Variants in PPP2R2B observed in about 807,000 individuals in gnomAD.
PPP2R2B encodes the protein serine/threonine-protein phosphatase 2A 55 kDa regulatory subunit B beta isoform.
In PPP2R2B, 5 loss-of-function variants were observed where a neutral mutation model predicts 46.0. The observed-to-expected ratio is 0.11, with a 90% CI of 0.06 to 0.23. The LOEUF is 0.23. Among genes scored for constraint, PPP2R2B ranks in the 10% least tolerant of loss-of-function variants. The pLI, the probability that PPP2R2B is intolerant of heterozygous loss-of-function variation, is 1.00. For missense variants in PPP2R2B, 367 were observed against 575.0 expected, an observed-to-expected ratio of 0.64 and a Z score of 3.70; for synonymous variants, 215 against 206.7, an observed-to-expected ratio of 1.04 and a Z score of -0.34.
At chr5:146,604,745 A>C (rs1250999029) in intron 7 of PPP2R2B, among the ~76,000 whole-genome samples, 1 of 152,230 alleles carries the variant, frequency 6.6e-6, no homozygotes, top group Admixed American at 6.5e-5. Flanking sequence ...AAGGAGACAG[A>C]CCAGGAGGAA....
chr5:146,604,335 T>C (rs1237456142), intron 7 of PPP2R2B, among the ~76,000 whole-genome samples: 1 of 152,232 alleles, frequency 6.6e-6, no homozygotes, highest in Non-Finnish European at 1.5e-5. Flanking sequence ...ATCTGGTGCC[T>C]GAGTGATAGA....
At chr5:146,646,857 G>T (rs1182332463) in intron 6 of PPP2R2B, among the ~76,000 whole-genome samples, 1 of 152,146 alleles carries the variant, frequency 6.6e-6, no homozygotes, top group African/African-American at 2.4e-5. Context: ...GTGCGTATGT[G>T]TGTGTGTGTG....
chr5:146,908,039 C>G (rs951206560), intron 1 of PPP2R2B, among the ~76,000 whole-genome samples: 11 of 152,276 alleles, frequency 7.2e-5, no homozygotes, highest in Non-Finnish European at 1.3e-4. Flanking sequence ...CCCACAGCCA[C>G]GTTCTTTACA....
intron 1 of PPP2R2B, among the ~76,000 whole-genome samples, chr5:147,015,993 T>C (rs1195568112): frequency 6.6e-6 from 1 of 151,536 alleles, no homozygotes; most frequent in African/African-American, 2.4e-5. Context: ...TACACACACA[T>C]AGATACTCAG....
chr5:146,974,333 A>C (rs1752797164), intron 1 of PPP2R2B, among the ~76,000 whole-genome samples: 2 of 152,214 alleles, frequency 1.3e-5, no homozygotes, highest in South Asian at 4.1e-4. Context: ...GCCATGAGGC[A>C]GGGTTCATTA....
intron 2 of PPP2R2B, among the ~76,000 whole-genome samples, chr5:146,821,029 G>A (rs567603638): frequency 5.0e-4 from 76 of 151,616 alleles, no homozygotes; most frequent in East Asian, 1.6e-3. Context: ...CCATCATTCC[G>A]CCTCCTTGAC....
chr5:146,878,453 G>A lies in PPP2R2B; in HGVS notation c.-125+138C>T, dbSNP rs1201988885. On this transcript the variant is annotated intron_variant, in intron 1 of 9. Coordinates refer to ENST00000394411, the MANE Select transcript of PPP2R2B (RefSeq NM_181675.4). This position sits in a 1 kb window ranked among gnomAD's most constrained non-coding sequence, Gnocchi z 4.5. ...GCGGGTCTGGGGAGATGCCCAACAG[G>A]TTCCCCTCCTTGGCAGCCGCTCCAA... 2.9e-6 allele frequency: 4 copies of A among 1,382,608 alleles called. No individual in the cohort carries two copies. The highest frequency in any genetic ancestry group is 2.9e-5 in the African/African-American group (2 of 68,252). The allele number at this position is 1,382,608 out of a possible 1,614,324, so 85.6% of individuals were successfully genotyped here.
At chr5:147,047,616 C>A (rs1357626623) in intron 1 of PPP2R2B, among the ~76,000 whole-genome samples, 1 of 152,002 alleles carries the variant, frequency 6.6e-6, no homozygotes, top group Non-Finnish European at 1.5e-5. Context: ...AAGCAATTGT[C>A]TGATATATGC....
intron 2 of PPP2R2B, among the ~76,000 whole-genome samples, chr5:146,786,896 C>T (rs547816212): frequency 3.3e-4 from 50 of 152,262 alleles, no homozygotes; most frequent in African/African-American, 1.2e-3. Flanking sequence ...TTCTTTATAA[C>T]GAAGCTAACA....
chr5:146,678,664 C>T (rs1388981731), intron 5 of PPP2R2B, among the ~76,000 whole-genome samples: 1 of 148,588 alleles, frequency 6.7e-6, no homozygotes, highest in Non-Finnish European at 1.5e-5. Context: ...AGCCCAAAAT[C>T]TCCTTAAGCT....
intron 1 of PPP2R2B, among the ~76,000 whole-genome samples, chr5:146,923,238 TC>T (rs1394898417): frequency 6.6e-6 from 1 of 152,200 alleles, no homozygotes; most frequent in Admixed American, 6.5e-5. Context: ...TATTTACTCT[TC>T]TTTTTCCAGA....
At chr5:146,654,879 T>A (rs914379415) in intron 5 of PPP2R2B, among the ~76,000 whole-genome samples, 1 of 152,168 alleles carries the variant, frequency 6.6e-6, no homozygotes, top group African/African-American at 2.4e-5. Flanking sequence ...AATGCCCTTT[T>A]GCCAAATGAC....
intron 1 of PPP2R2B, among the ~76,000 whole-genome samples, chr5:147,009,903 A>ATG (rs1754634618): frequency 6.6e-6 from 1 of 151,550 alleles, no homozygotes; most frequent in African/African-American, 2.4e-5. Flanking sequence ...ACACACATAT[A>ATG]TATATAGGAC....
chr5:146,846,101 C>A (rs1466168420), intron 2 of PPP2R2B, among the ~76,000 whole-genome samples: 1 of 152,076 alleles, frequency 6.6e-6, no homozygotes, highest in Non-Finnish European at 1.5e-5. Context: ...TTTATCTGGC[C>A]AGGTGCAGTG....
At chr5:146,669,267 A>G (rs1481175996) in intron 5 of PPP2R2B, among the ~76,000 whole-genome samples, 1 of 152,180 alleles carries the variant, frequency 6.6e-6, no homozygotes, top group African/African-American at 2.4e-5. Context: ...ATATGAAAAA[A>G]GGAAAGAAGC....
chr5:146,980,463 A>G (rs1753117841), intron 1 of PPP2R2B, among the ~76,000 whole-genome samples: 1 of 152,166 alleles, frequency 6.6e-6, no homozygotes, highest in Non-Finnish European at 1.5e-5. Flanking sequence ...GATCACTGAC[A>G]ACCCACCCCA....
At chr5:146,834,233 C>T (rs987018674) in intron 2 of PPP2R2B, among the ~76,000 whole-genome samples, 1 of 152,154 alleles carries the variant, frequency 6.6e-6, no homozygotes, top group Non-Finnish European at 1.5e-5. Context: ...ATTTCATTCT[C>T]ATAGTAAGTC....
intron 5 of PPP2R2B, among the ~76,000 whole-genome samples, chr5:146,685,957 A>C (rs138889578): frequency 6.6e-6 from 1 of 152,184 alleles, no homozygotes; most frequent in African/African-American, 2.4e-5. Context: ...GACATCAATC[A>C]ATAATAAAAC....
chr5:146,665,946 T>A (rs1010535475), intron 5 of PPP2R2B, among the ~76,000 whole-genome samples: 4 of 152,244 alleles, frequency 2.6e-5, no homozygotes, highest in African/African-American at 9.6e-5. Flanking sequence ...TGTTGCAGTG[T>A]TGCTACAAAC....
Sources: allele counts gnomAD v4.1 joint callset (sites outside exome capture counted in the v4.1 genomes callset), GRCh38; gene constraint gnomAD v4.1.1; non-coding constraint Gnocchi (gnomAD v3.1); transcripts MANE v1.5; gene names NCBI Gene and HGNC (gene_info 2026-07-23, HGNC 2026-07-21).